NRG4: variants seen among roughly 807,000 people sequenced by gnomAD.
NRG4 encodes pro-neuregulin-4, membrane-bound isoform.
NRG4 carries 10 observed loss-of-function variants against 15.0 expected under a neutral mutation model. That is an observed-to-expected ratio of 0.67 (90% CI 0.41 to 1.13). The LOEUF is 1.13. Ranked by LOEUF, NRG4 falls within the 50% of genes most tolerant of loss-of-function variation. NRG4 has a pLI of 0.00. For missense variants in NRG4, 139 were observed against 140.2 expected (o/e 0.99, Z 0.04); for synonymous variants, 41 against 50.1 (o/e 0.82, Z 0.77).
At chr15:76,005,768 T>A (rs189032529) in intron 3 of NRG4, 2 of 439,800 alleles carry the variant, frequency 4.5e-6, no homozygotes, top group East Asian at 1.4e-4. Context: ...AAGTAGATCA[T>A]CATAAAGGTC....
At chr15:76,052,257 T>C (rs2036037319) in intron 3 of NRG4, 2 of 147,008 alleles carry the variant, frequency 1.4e-5, no homozygotes, top group African/African-American at 5.0e-5. Flanking sequence ...AGAATATATA[T>C]GCAAATTTCA....
chr15:75,960,100 A>G (rs556047894), intron 4 of NRG4, among the ~76,000 whole-genome samples: 1 of 152,242 alleles, frequency 6.6e-6, no homozygotes, highest in Non-Finnish European at 1.5e-5. Context: ...AACTTAGACT[A>G]TCCTGACTTA....
At chr15:76,012,182 C>T (rs529912600) in intron 1 of NRG4, 137 bp downstream of exon 1, 1 of 152,056 alleles carries the variant, frequency 6.6e-6, no homozygotes, top group East Asian at 1.9e-4. Flanking sequence ...AGAAAGCGAG[C>T]AAGCAATCGA....
chr15:75,936,478 T>A (rs2030348558), downstream of NRG4: 1 of 152,238 alleles, frequency 6.6e-6, no homozygotes, highest in Non-Finnish European at 1.5e-5. Flanking sequence ...ATTTAACTTC[T>A]ACCCTATGCC....
At position 76,002,602 on chromosome 15, in the gene NRG4, A is replaced by C. The variant is rs186545571; in HGVS notation, c.104+6598T>G. ...AAACCTGTCTATATGTTTATTAAACATACACTTTAAAGATACAGATAGGTT... is the reference window on the plus strand; with the variant it reads ...AAACCTGTCTATATGTTTATTAAACCTACACTTTAAAGATACAGATAGGTT... On this transcript the variant is annotated intron_variant, in intron 3 of 5. Transcript: ENST00000394907. Among the ~76,000 whole-genome samples, 186 of 152,318 alleles carry C rather than the reference A, an allele frequency of 1.2e-3. 1 individual carries two copies. The highest frequency in any genetic ancestry group is 4.2e-3 in the African/African-American group (174 of 41,582).
At chr15:75,982,189 A>G (rs1019733462) in intron 3 of NRG4, among the ~76,000 whole-genome samples, 1 of 152,196 alleles carries the variant, frequency 6.6e-6, no homozygotes, top group Non-Finnish European at 1.5e-5. Context: ...AACCTAACAA[A>G]GATTGTACCA....
intron 4 of NRG4, among the ~76,000 whole-genome samples, chr15:75,960,916 CT>C (rs1338106775): frequency 2.0e-5 from 3 of 152,216 alleles, no homozygotes; most frequent in Non-Finnish European, 4.4e-5. Context: ...TTGGAATAAA[CT>C]ATTTAATACC....
intron 4 of NRG4, among the ~76,000 whole-genome samples, chr15:75,959,389 TC>T (rs2032404542): frequency 6.6e-6 from 1 of 152,164 alleles, no homozygotes; most frequent in East Asian, 1.9e-4. Flanking sequence ...TGGCTCTTTA[TC>T]TTATGAGCAT....
chr15:76,041,941 T>C (rs2035753051), intron 4 of NRG4, among the ~76,000 whole-genome samples: 1 of 152,014 alleles, frequency 6.6e-6, no homozygotes, highest in African/African-American at 2.4e-5. Flanking sequence ...AAAAAACAAG[T>C]CTTAAAGTAT....
chr15:76,021,429 C>T (rs1481652387), intron 5 of NRG4, among the ~76,000 whole-genome samples: 3 of 152,194 alleles, frequency 2.0e-5, no homozygotes, highest in Non-Finnish European at 2.9e-5. Context: ...CTTTTATATG[C>T]ATTGGGAAAC....
chr15:76,019,331 G>C (rs774188635), intron 5 of NRG4, among the ~76,000 whole-genome samples: 15 of 152,224 alleles, frequency 9.9e-5, no homozygotes, highest in East Asian at 1.9e-4. Flanking sequence ...CCCTTTCCAG[G>C]GGGGTGAACG....
intron 5 of NRG4, among the ~76,000 whole-genome samples, chr15:76,020,840 T>A (rs1436727522): frequency 6.6e-6 from 1 of 152,070 alleles, no homozygotes; most frequent in Non-Finnish European, 1.5e-5. Context: ...GTTCATGAGG[T>A]TTAAGGAAAG....
chr15:76,044,372 G>A (rs1462798739), intron 4 of NRG4, among the ~76,000 whole-genome samples: 1 of 150,608 alleles, frequency 6.6e-6, no homozygotes, highest in Admixed American at 6.6e-5. Flanking sequence ...AATAAATGGT[G>A]CTGGGAAAAC....
At chr15:76,049,525 T>G (rs771243653) in intron 4 of NRG4, among the ~76,000 whole-genome samples, 2 of 150,518 alleles carry the variant, frequency 1.3e-5, no homozygotes, top group African/African-American at 2.5e-5. Context: ...ATCAACAATA[T>G]CTACTGGAAA....
At chr15:76,016,516 C>G (rs2034985027), upstream of NRG4, among the ~76,000 whole-genome samples, 1 of 152,140 alleles carries the variant, frequency 6.6e-6, no homozygotes, top group Non-Finnish European at 1.5e-5. Flanking sequence ...AGCTGTGTCC[C>G]AGAGATTCTG....
chr15:75,984,511 A>G (rs1035643946), intron 3 of NRG4, among the ~76,000 whole-genome samples: 1 of 152,174 alleles, frequency 6.6e-6, no homozygotes, highest in Non-Finnish European at 1.5e-5. Context: ...GCTGGAAACC[A>G]TCATTCTCAG....
At chr15:76,005,860 A>G (rs2034587132) in intron 3 of NRG4, 2 of 384,500 alleles carry the variant, frequency 5.2e-6, no homozygotes, top group South Asian at 2.1e-5. Flanking sequence ...AACACAAAGT[A>G]TATCTAACGT....
chr15:76,021,982 C>T (rs1305807833), intron 5 of NRG4, among the ~76,000 whole-genome samples: 1 of 152,172 alleles, frequency 6.6e-6, no homozygotes, highest in African/African-American at 2.4e-5. Context: ...AAAGAGCACG[C>T]AATCTGGATC....
chr15:76,035,404 T>C (rs928787282), intron 5 of NRG4, among the ~76,000 whole-genome samples: 2 of 152,240 alleles, frequency 1.3e-5, no homozygotes, highest in Non-Finnish European at 2.9e-5. Flanking sequence ...GTTTCAACTA[T>C]TCGATTTTTT....
Sources: allele counts gnomAD v4.1 joint callset (sites outside exome capture counted in the v4.1 genomes callset), GRCh38; gene constraint gnomAD v4.1.1; transcripts MANE v1.5; gene names NCBI Gene and HGNC (gene_info 2026-07-23, HGNC 2026-07-21).